Variants in CACNA1A observed in about 807,000 individuals in gnomAD.
CACNA1A encodes the protein calcium voltage-gated channel subunit alpha1 A, also known as voltage-dependent P/Q-type calcium channel subunit alpha-1A.
A neutral mutation model predicts 262.4 loss-of-function variants in CACNA1A; 57 were observed. The ratio of observed to expected loss-of-function variants is 0.22; its 90% CI spans 0.18 to 0.27. CACNA1A has a LOEUF of 0.27. CACNA1A is among the 10% of genes least tolerant of loss of function. The probability of loss-of-function intolerance (pLI) is 1.00; values close to 1 mark genes in which losing one functional copy is unlikely to be tolerated. For missense variants in CACNA1A, 2,526 were observed against 3,562.8 expected, an observed-to-expected ratio of 0.71 and a Z score of 7.41; for synonymous variants, 1,431 against 1,419.3, an observed-to-expected ratio of 1.01 and a Z score of -0.18.
At chr19:13,414,383 G>C (rs1357582389) in intron 3 of CACNA1A, among the ~76,000 whole-genome samples, 1 of 152,158 alleles carries the variant, frequency 6.6e-6, no homozygotes, top group Admixed American at 6.6e-5. Context: ...CTAGGCAATA[G>C]AGCGAGGCTC....
intron 34 of CACNA1A, among the ~76,000 whole-genome samples, chr19:13,233,632 T>C (rs2055751473): frequency 6.6e-6 from 1 of 151,932 alleles, no homozygotes; most frequent in African/African-American, 2.4e-5. Flanking sequence ...GGACTACAGG[T>C]GTGTGGCACT....
chr19:13,278,613 T>C (rs2057208683), intron 22 of CACNA1A, among the ~76,000 whole-genome samples: 1 of 152,146 alleles, frequency 6.6e-6, no homozygotes, highest in African/African-American at 2.4e-5. Context: ...GATAATCTCA[T>C]TGTCCATCTC....
chr19:13,360,921 T>C (rs1172274018), intron 5 of CACNA1A, among the ~76,000 whole-genome samples: 1 of 152,220 alleles, frequency 6.6e-6, no homozygotes. Flanking sequence ...AAATATGTTT[T>C]GTATTTGTAT....
chr19:13,252,959 G>A, intron 30 of CACNA1A, 32 bp downstream of exon 30: 1 of 1,442,558 alleles, frequency 6.9e-7, no homozygotes, highest in Non-Finnish European at 9.8e-7. Context: ...CTTCTCCCAA[G>A]CCCATAGCTG....
intron 1 of CACNA1A, among the ~76,000 whole-genome samples, chr19:13,491,765 G>A (rs1043586814): frequency 3.9e-5 from 6 of 152,146 alleles, no homozygotes; most frequent in Non-Finnish European, 8.8e-5. Context: ...GAGCCCAGGC[G>A]GTTGAGGCTG....
At chr19:13,497,184 G>A (rs1302934794) in intron 1 of CACNA1A, among the ~76,000 whole-genome samples, 1 of 151,940 alleles carries the variant, frequency 6.6e-6, no homozygotes, top group Non-Finnish European at 1.5e-5. Flanking sequence ...TAGAGAAAAT[G>A]ATGAGTAAGC....
intron 3 of CACNA1A, among the ~76,000 whole-genome samples, chr19:13,407,946 G>A (rs1425625152): frequency 3.3e-5 from 5 of 151,040 alleles, no homozygotes; most frequent in South Asian, 2.1e-4. Context: ...GTGAGTTCTC[G>A]TGAGACCTGG....
chr19:13,268,381 C>T (rs962355772), intron 24 of CACNA1A, among the ~76,000 whole-genome samples: 3 of 151,868 alleles, frequency 2.0e-5, no homozygotes, highest in Non-Finnish European at 4.4e-5. Flanking sequence ...GAAACCCTGT[C>T]GCCAAGCGGA....
At chr19:13,290,804 C>T (rs12608445) in intron 19 of CACNA1A, among the ~76,000 whole-genome samples, 13,408 of 151,806 alleles carry the variant, frequency 0.088, 777 homozygotes, top group South Asian at 0.23. Context: ...TAAAGCAGGC[C>T]CAGTTAAGTT....
At chr19:13,349,981 G>T (rs2058876877) in intron 6 of CACNA1A, among the ~76,000 whole-genome samples, 1 of 152,168 alleles carries the variant, frequency 6.6e-6, no homozygotes, top group African/African-American at 2.4e-5. Flanking sequence ...TGGATACCTT[G>T]GAGCTTCCAG....
In CACNA1A at chr19:13,308,728, G is replaced by A. The variant is rs934437210; in HGVS notation, c.1669-200C>T. On this transcript the variant is annotated intron_variant, in intron 12 of 46. Transcript: ENST00000360228. This position sits in a 1 kb window ranked among gnomAD's most constrained non-coding sequence, Gnocchi z 4.2. ...GTCTCACTGTGTCACCCAGGCTGGAGTGCAGTGGCGCAATCATAGCTCACT... is the reference window on the plus strand; with the variant it reads ...GTCTCACTGTGTCACCCAGGCTGGAATGCAGTGGCGCAATCATAGCTCACT... 29 of 500,142 alleles carry A rather than the reference G, an allele frequency of 5.8e-5. No individual in the cohort carries two copies. Among genetic ancestry groups the A allele is most frequent in the Non-Finnish European group, 9.2e-5 (26 of 281,654 alleles). The allele number at this position is 500,142 out of a possible 1,614,324, so 31.0% of individuals were successfully genotyped here. A position where few individuals can be genotyped will look rare whatever the true frequency, so the allele number is the denominator to read the frequency against.
intron 34 of CACNA1A, among the ~76,000 whole-genome samples, chr19:13,233,537 G>A (rs190508884): frequency 1.3e-5 from 2 of 151,908 alleles, no homozygotes; most frequent in African/African-American, 2.4e-5. Flanking sequence ...GCCGAGGCTG[G>A]AGTGCAGTGG....
At chr19:13,257,208 C>G in intron 28 of CACNA1A, 142 bp downstream of exon 28, 1 of 641,118 alleles carries the variant, frequency 1.6e-6, no homozygotes, top group Non-Finnish European at 2.7e-6. Context: ...GAAGGGCTGC[C>G]CTGAAGACTG....
chr19:13,350,491 A>G (rs1030959898), intron 6 of CACNA1A, among the ~76,000 whole-genome samples: 12 of 152,176 alleles, frequency 7.9e-5, no homozygotes, highest in African/African-American at 2.9e-4. Flanking sequence ...CTTTCACTGG[A>G]AGTGGAACAT....
At chr19:13,407,892 G>C (rs1014999852) in intron 3 of CACNA1A, among the ~76,000 whole-genome samples, 11 of 152,092 alleles carry the variant, frequency 7.2e-5, no homozygotes, top group African/African-American at 1.4e-4. Flanking sequence ...GAGGTGATTG[G>C]ATCCTGGGAG....
Position 13,209,319 on chromosome 19 carries a change from C to T in CACNA1A, c.6519G>A (p.Val2173=). 1 of 1,410,116 alleles carries T rather than the reference C, an allele frequency of 7.1e-7. No homozygotes were observed. The highest frequency in any genetic ancestry group is 9.3e-7 in the Non-Finnish European group (1 of 1,078,730). 87.4% of individuals were successfully genotyped at this position (1,410,116 alleles called of 1,614,324 possible). A position where few individuals can be genotyped will look rare whatever the true frequency, so the allele number is the denominator to read the frequency against. ...CACCACAGGGCTGCCCACCTGTGTC[C>T]ACATCGGTGTAGCGGCCCAGGGAGC... ...SERSLGRYTD[V]DTGLGTDLSM... is the part of the protein sequence containing the mutation. Residue 2173 remains valine, a synonymous_variant, in exon 45 of 47, where the codon GTG becomes GTA. Coordinates refer to ENST00000360228, the MANE Select transcript of CACNA1A (RefSeq NM_001127222.2).
At chr19:13,273,303 A>T (rs1021216892) in intron 24 of CACNA1A, 1 of 152,192 alleles carries the variant, frequency 6.6e-6, no homozygotes, top group Non-Finnish European at 1.5e-5. Flanking sequence ...TTTATTAGCT[A>T]AAAAAATCAT....
chr19:13,492,213 C>T (rs1038682298), intron 1 of CACNA1A, among the ~76,000 whole-genome samples: 2 of 152,162 alleles, frequency 1.3e-5, no homozygotes, highest in African/African-American at 4.8e-5. Flanking sequence ...TCAATTTCAA[C>T]AGAAACTTGC....
intron 3 of CACNA1A, among the ~76,000 whole-genome samples, chr19:13,384,801 G>C (rs551142143): frequency 3.3e-4 from 50 of 152,294 alleles, no homozygotes; most frequent in African/African-American, 9.9e-4. Context: ...ACAGAGGTGA[G>C]TAAGAGTAAA....
Sources: gnomAD v4.1 joint callset for allele counts (sites outside exome capture counted in the v4.1 genomes callset) on GRCh38, gnomAD v4.1.1 for gene constraint, Gnocchi (gnomAD v3.1) non-coding constraint, MANE v1.5 for transcripts, NCBI Gene and HGNC (gene_info 2026-07-23, HGNC 2026-07-21) for gene names.